Variants in FBXL17 observed in about 807,000 individuals in gnomAD.
The protein encoded by FBXL17 is F-box and leucine rich repeat protein 17.
In FBXL17, 22 loss-of-function variants were observed where a neutral mutation model predicts 66.2. The observed-to-expected ratio is 0.33, with a 90% CI of 0.24 to 0.47. FBXL17 has a LOEUF of 0.47. FBXL17 is among the 20% of genes least tolerant of loss of function. The pLI is 1.00. For synonymous variants in FBXL17, 474 were observed against 400.5 expected (o/e 1.18, Z -2.19); for missense variants, 878 against 948.2 (o/e 0.93, Z 0.97).
At chr5:108,294,152 A>G (rs1167276544) in intron 4 of FBXL17, among the ~76,000 whole-genome samples, 1 of 149,410 alleles carries the variant, frequency 6.7e-6, no homozygotes, top group African/African-American at 2.4e-5. Context: ...ATCTATACTT[A>G]TTTCTAACAT....
Position 107,878,409 on chromosome 5 carries a change from T to C in FBXL17, c.1965+2628A>G, listed in dbSNP as rs139363321. ...AATAGACATTATTCTAAGTGCTTTATGTATGTTAACTCATTCACATGCTCA... is the reference window on the plus strand; with the variant it reads ...AATAGACATTATTCTAAGTGCTTTACGTATGTTAACTCATTCACATGCTCA... On this transcript the variant is annotated intron_variant, in intron 8 of 8. Transcript: ENST00000542267. 3.4e-3 allele frequency: 2,271 copies of C among 670,950 alleles called. 46 individuals are homozygous for C. In the African/African-American group the frequency reaches 0.042, roughly 12 times the overall value. 41.6% of individuals were successfully genotyped at this position (670,950 alleles called of 1,614,324 possible). A position where few individuals can be genotyped will look rare whatever the true frequency, so the allele number is the denominator to read the frequency against.
chr5:108,381,876 A>C lies in FBXL17; in HGVS notation c.-185T>G, dbSNP rs942897888. 1.5e-6 allele frequency: 2 copies of C among 1,293,032 alleles called. No individual in the cohort carries two copies. Among genetic ancestry groups the C allele is most frequent in the African/African-American group, 3.1e-5 (2 of 64,536 alleles). The allele number at this position is 1,293,032 out of a possible 1,614,324, so 80.1% of individuals were successfully genotyped here. A position where few individuals can be genotyped will look rare whatever the true frequency, so the allele number is the denominator to read the frequency against. On this transcript the variant is annotated 5_prime_UTR_variant, in exon 1 of 9. Coordinates refer to ENST00000542267, the MANE Select transcript of FBXL17 (RefSeq NM_001163315.3). Reference sequence around the variant, plus strand: ...GTGGGCGTCAGCTGCGGGCCGCCGGAGTGCCCGACGGGGGCTACATGCTTT... The same window carrying C: ...GTGGGCGTCAGCTGCGGGCCGCCGGCGTGCCCGACGGGGGCTACATGCTTT...
intron 5 of FBXL17, among the ~76,000 whole-genome samples, chr5:108,208,207 A>G (rs1205667614): frequency 1.3e-5 from 2 of 152,094 alleles, no homozygotes; most frequent in Non-Finnish European, 2.9e-5. Flanking sequence ...TAGATTCTGG[A>G]TATTAACCCT....
At chr5:107,909,882 A>T (rs983985987) in intron 7 of FBXL17, among the ~76,000 whole-genome samples, 41 of 152,176 alleles carry the variant, frequency 2.7e-4, no homozygotes, top group African/African-American at 9.9e-4. Flanking sequence ...CAGGAATAAA[A>T]GTCAGTCCTG....
At chr5:107,989,753 CAAG>C (rs1337442092) in intron 7 of FBXL17, among the ~76,000 whole-genome samples, 3 of 151,978 alleles carry the variant, frequency 2.0e-5, no homozygotes, top group African/African-American at 7.2e-5. Context: ...TTACATTCCC[CAAG>C]AAGGTGTTTT....
chr5:108,023,038 G>A (rs1392868702), intron 6 of FBXL17, among the ~76,000 whole-genome samples: 1 of 152,100 alleles, frequency 6.6e-6, no homozygotes. Context: ...GATTAAGAGT[G>A]AGCAGTGTCT....
intron 4 of FBXL17, among the ~76,000 whole-genome samples, chr5:108,246,994 C>G (rs1756129140): frequency 6.6e-6 from 1 of 152,038 alleles, no homozygotes; most frequent in Non-Finnish European, 1.5e-5. Context: ...GAGGGCCTGA[C>G]TGGGAGTAAA....
rs1242158439 is a variant in FBXL17 at position 108,121,326 on chromosome 5, C to CA, written c.1745+64790dup. ...TTGGCAACAGAGCAAGACTCCATCTCAAAAAAAAAAGAAAGAAAATCTTGT... is the reference window on the plus strand; with the variant it reads ...TTGGCAACAGAGCAAGACTCCATCTCAAAAAAAAAAAGAAAGAAAATCTTGT... On this transcript the variant is annotated intron_variant, in intron 6 of 8. Transcript: ENST00000542267. Among the ~76,000 whole-genome samples, 105 of 144,038 alleles carry CA rather than the reference C, an allele frequency of 7.3e-4. 2 individuals carry two copies. The Middle Eastern group carries it at 0.014, about 19-fold the overall frequency. 94.5% of individuals were successfully genotyped at this position (144,038 alleles called of 152,430 possible). A position where few individuals can be genotyped will look rare whatever the true frequency, so the allele number is the denominator to read the frequency against.
chr5:108,380,088 C>G, intron 1 of FBXL17, among the ~76,000 whole-genome samples: 1 of 152,198 alleles, frequency 6.6e-6, no homozygotes, highest in East Asian at 1.9e-4. Context: ...GTCAGCTCCA[C>G]AGGAGCAAAG....
Position 108,264,038 on chromosome 5 carries a change from A to C in FBXL17, c.1507-39810T>G, listed in dbSNP as rs116299664. 7.4e-3 allele frequency among the ~76,000 whole-genome samples: 1,118 copies of C among 152,022 alleles called. 11 individuals carry two copies. Among genetic ancestry groups the C allele is most frequent in the African/African-American group, 0.025 (1,042 of 41,446 alleles). ...AGACCAACCTGGCCAATGCTGGTGA[A>C]ACCCCATCTCTACTAAAAATACAAA... On this transcript the variant is annotated intron_variant, in intron 4 of 8. Coordinates refer to ENST00000542267, the MANE Select transcript of FBXL17 (RefSeq NM_001163315.3).
intron 1 of FBXL17, among the ~76,000 whole-genome samples, chr5:108,372,471 G>C (rs905426268): frequency 6.6e-6 from 1 of 152,108 alleles, no homozygotes; most frequent in African/African-American, 2.4e-5. Context: ...TTCATATCAA[G>C]ATGCATCATA....
At chr5:107,970,615 T>C (rs975882100) in intron 7 of FBXL17, among the ~76,000 whole-genome samples, 1 of 152,204 alleles carries the variant, frequency 6.6e-6, no homozygotes, top group African/African-American at 2.4e-5. Flanking sequence ...CCTGCATGCA[T>C]GGCTCTCTCT....
chr5:108,283,290 C>T (rs149615258), intron 4 of FBXL17, among the ~76,000 whole-genome samples: 29 of 151,838 alleles, frequency 1.9e-4, no homozygotes, highest in Admixed American at 7.9e-4. Flanking sequence ...GCTCACATCA[C>T]GTAAGCTGAT....
chr5:108,297,228 A>C (rs899228365), intron 4 of FBXL17, among the ~76,000 whole-genome samples: 2 of 151,710 alleles, frequency 1.3e-5, no homozygotes, highest in African/African-American at 2.4e-5. Flanking sequence ...TTAGAAACTT[A>C]AACAGTAAAG....
chr5:108,240,031 C>G (rs985903042), intron 4 of FBXL17, among the ~76,000 whole-genome samples: 1 of 151,952 alleles, frequency 6.6e-6, no homozygotes, highest in Non-Finnish European at 1.5e-5. Flanking sequence ...CTAAAAAGAG[C>G]CCTTGGGGCC....
chr5:107,955,150 A>T (rs1751620992), intron 7 of FBXL17, among the ~76,000 whole-genome samples: 1 of 152,054 alleles, frequency 6.6e-6, no homozygotes. Flanking sequence ...TTATTTCTTG[A>T]TTTTTTAAAA....
At chr5:107,957,621 C>A (rs1751715644) in intron 7 of FBXL17, among the ~76,000 whole-genome samples, 2 of 152,230 alleles carry the variant, frequency 1.3e-5, no homozygotes, top group Middle Eastern at 3.4e-3. Context: ...ATTTTTCCAA[C>A]TAAAACACCT....
At chr5:108,371,724 G>T (rs1040253639) in intron 1 of FBXL17, among the ~76,000 whole-genome samples, 9 of 152,018 alleles carry the variant, frequency 5.9e-5, no homozygotes, top group Non-Finnish European at 1.3e-4. Context: ...ATAAAAAGTA[G>T]AAATTATGAA....
At chr5:107,985,788 T>G (rs1305725475) in intron 7 of FBXL17, among the ~76,000 whole-genome samples, 1 of 152,164 alleles carries the variant, frequency 6.6e-6, no homozygotes, top group African/African-American at 2.4e-5. Flanking sequence ...TATTTATAAA[T>G]ACAAATTGCT....
Sources: allele counts gnomAD v4.1 joint callset (sites outside exome capture counted in the v4.1 genomes callset), GRCh38; gene constraint gnomAD v4.1.1; transcripts MANE v1.5; gene names NCBI Gene and HGNC (gene_info 2026-07-23, HGNC 2026-07-21).